Variants in SCAPER observed in about 807,000 individuals in gnomAD.
SCAPER encodes the protein S phase cyclin A-associated protein in the endoplasmic reticulum.
SCAPER carries 98 observed loss-of-function variants against 182.2 expected under a neutral mutation model. The observed-to-expected ratio is 0.54, with a 90% CI of 0.46 to 0.64. The LOEUF (loss-of-function observed/expected upper bound fraction) is 0.64. Ranked by LOEUF, SCAPER falls within the 30% of genes least tolerant of loss-of-function variation. The probability of loss-of-function intolerance (pLI) is 0.00; values close to 1 mark genes in which losing one functional copy is unlikely to be tolerated. For synonymous variants in SCAPER, 605 were observed against 564.6 expected (o/e 1.07, Z -1.01); for missense variants, 1,432 against 1,690.0 (o/e 0.85, Z 2.68).
chr15:76,506,112 G>A (rs994652231), intron 23 of SCAPER, among the ~76,000 whole-genome samples: 10 of 151,988 alleles, frequency 6.6e-5, no homozygotes, highest in African/African-American at 2.2e-4. Flanking sequence ...GGTAGTGGGG[G>A]GGACGGGGTA....
intron 24 of SCAPER, among the ~76,000 whole-genome samples, chr15:76,491,413 C>T (rs574119556): frequency 2.6e-5 from 4 of 152,256 alleles, no homozygotes; most frequent in South Asian, 2.1e-4. Flanking sequence ...GATATAAATA[C>T]ATACACAAAA....
intron 2 of SCAPER, among the ~76,000 whole-genome samples, chr15:76,873,331 AAGGC>A (rs56176862): frequency 0.014 from 1,144 of 83,588 alleles, 39 homozygotes; most frequent in African/African-American, 0.043. Context: ...GGAAGGAAGG[AAGGC>A]AGGCAGGCAG....
rs538110474 is a variant in SCAPER at position 76,784,267 on chromosome 15, A to C, written c.773-9150T>G. Reference sequence around the variant, plus strand: ...CAGACAAACAGAGAGCCAAATCATGAGTGAACTCCCATTCACAATTGCTTC... The same window carrying C: ...CAGACAAACAGAGAGCCAAATCATGCGTGAACTCCCATTCACAATTGCTTC... On this transcript the variant is annotated intron_variant, in intron 8 of 31. Transcript: ENST00000563290. Among the ~76,000 whole-genome samples the C allele has an allele frequency of 2.0e-5, 3 of 152,350 alleles. No individual in the cohort carries two copies. The East Asian group carries it at 5.8e-4, about 29-fold the overall frequency.
intron 22 of SCAPER, among the ~76,000 whole-genome samples, chr15:76,584,717 CTTAT>C (rs1013505275): frequency 6.6e-6 from 1 of 152,068 alleles, no homozygotes; most frequent in East Asian, 1.9e-4. Flanking sequence ...TTAATTTTTA[CTTAT>C]TTATTTATTT....
At chr15:76,753,719 G>A (rs1234870972) in intron 15 of SCAPER, 89 bp downstream of exon 15, 3 of 1,392,058 alleles carry the variant, frequency 2.2e-6, no homozygotes, top group East Asian at 4.7e-5. Context: ...AATAAACATT[G>A]GATAAACATT....
At chr15:76,360,346 T>C (rs1399394003) in intron 29 of SCAPER, among the ~76,000 whole-genome samples, 1 of 152,240 alleles carries the variant, frequency 6.6e-6, no homozygotes, top group Non-Finnish European at 1.5e-5. Flanking sequence ...CAGACAGGGA[T>C]GACTATACTC....
At chr15:76,360,851 CAT>C (rs778971475) in intron 29 of SCAPER, among the ~76,000 whole-genome samples, 14 of 152,120 alleles carry the variant, frequency 9.2e-5, no homozygotes, top group Non-Finnish European at 1.9e-4. Context: ...TGTTGGAACA[CAT>C]GACTCTAAAT....
At chr15:76,739,366 G>A (rs983371883) in intron 15 of SCAPER, among the ~76,000 whole-genome samples, 4 of 152,030 alleles carry the variant, frequency 2.6e-5, no homozygotes, top group South Asian at 4.1e-4. Flanking sequence ...GAACTTTCAC[G>A]CTTTCATTTA....
intron 27 of SCAPER, among the ~76,000 whole-genome samples, chr15:76,392,198 A>G (rs1353849662): frequency 6.6e-6 from 1 of 152,174 alleles, no homozygotes; most frequent in African/African-American, 2.4e-5. Flanking sequence ...GGCTTGATTT[A>G]CCTTTCCTGC....
At chr15:76,900,778 C>T (rs1299546687) in intron 1 of SCAPER, among the ~76,000 whole-genome samples, 1 of 152,140 alleles carries the variant, frequency 6.6e-6, no homozygotes, top group African/African-American at 2.4e-5. Context: ...CAGTGAGAAG[C>T]CTGCTGGTAG....
chr15:76,490,563 GT>G (rs1225354239), intron 24 of SCAPER, among the ~76,000 whole-genome samples: 2 of 152,062 alleles, frequency 1.3e-5, no homozygotes, highest in African/African-American at 4.8e-5. Flanking sequence ...CTCTGATATG[GT>G]TTGCAAATAT....
chr15:76,416,676 T>G (rs1297576187), intron 26 of SCAPER, among the ~76,000 whole-genome samples: 1 of 152,108 alleles, frequency 6.6e-6, no homozygotes, highest in Non-Finnish European at 1.5e-5. Context: ...ATTCTACTTT[T>G]CAACATCTAT....
chr15:76,586,773 T>A (rs944913470), intron 22 of SCAPER: 13 of 152,546 alleles, frequency 8.5e-5, no homozygotes, highest in East Asian at 3.9e-4. Context: ...CTTTTTTTTT[T>A]ATGTTCTTTC....
At chr15:76,853,665 C>T (rs1301491092) in intron 4 of SCAPER, among the ~76,000 whole-genome samples, 1 of 151,940 alleles carries the variant, frequency 6.6e-6, no homozygotes, top group Non-Finnish European at 1.5e-5. Flanking sequence ...AGGAACATAC[C>T]TCAAAATAAA....
intron 22 of SCAPER, among the ~76,000 whole-genome samples, chr15:76,592,401 T>G (rs1368228108): frequency 8.2e-6 from 1 of 122,050 alleles, no homozygotes; most frequent in Non-Finnish European, 2.0e-5. Context: ...TGTGACTCCC[T>G]TATGCTACAA....
At chr15:76,823,495 A>T (rs150192551) in intron 5 of SCAPER, among the ~76,000 whole-genome samples, 2 of 151,082 alleles carry the variant, frequency 1.3e-5, no homozygotes, top group African/African-American at 4.8e-5. Flanking sequence ...AAATTAAAAT[A>T]AAAATACAAT....
At chr15:76,748,465 C>T (rs939086531) in intron 15 of SCAPER, among the ~76,000 whole-genome samples, 6 of 151,908 alleles carry the variant, frequency 3.9e-5, no homozygotes, top group African/African-American at 1.4e-4. Flanking sequence ...TATTTCTTAG[C>T]ACCAAAAACT....
intron 1 of SCAPER, among the ~76,000 whole-genome samples, chr15:76,904,197 C>G (rs1390678884): frequency 6.6e-6 from 1 of 152,092 alleles, no homozygotes; most frequent in East Asian, 1.9e-4. Context: ...AACTTAACCC[C>G]AGATTTACCA....
chr15:76,738,705 A>G (rs957449373), intron 15 of SCAPER, among the ~76,000 whole-genome samples: 2 of 152,158 alleles, frequency 1.3e-5, no homozygotes, highest in Non-Finnish European at 2.9e-5. Context: ...ACATTTATCA[A>G]TTAAGTTTGC....
Sources: gnomAD v4.1 joint callset for allele counts (sites outside exome capture counted in the v4.1 genomes callset) on GRCh38, gnomAD v4.1.1 for gene constraint, MANE v1.5 for transcripts, NCBI Gene and HGNC (gene_info 2026-07-23, HGNC 2026-07-21) for gene names.